Variants in SLC10A7 observed in about 807,000 individuals in gnomAD.
The protein encoded by SLC10A7 is solute carrier family 10 member 7, also known as sodium/bile acid cotransporter 7.
Under a neutral mutation model 43.2 loss-of-function variants are expected in SLC10A7, and 29 were observed. The observed-to-expected ratio is 0.67, with a 90% CI of 0.50 to 0.92. The LOEUF is 0.92. SLC10A7 is among the 40% of genes least tolerant of loss of function. The pLI, the probability that SLC10A7 is intolerant of heterozygous loss-of-function variation, is 0.00. For missense variants in SLC10A7, 295 were observed against 403.2 expected (o/e 0.73, Z 2.30); for synonymous variants, 152 against 144.8 (o/e 1.05, Z -0.35).
intron 5 of SLC10A7, among the ~76,000 whole-genome samples, chr4:146,427,629 CTCATTGTT>C (rs1323222972): frequency 6.6e-6 from 1 of 151,712 alleles, no homozygotes; most frequent in Non-Finnish European, 1.5e-5. Context: ...ATGATCTCTA[CTCATTGTT>C]TCCTCTTTAG....
chr4:146,270,126 G>A lies in SLC10A7; in HGVS notation c.848-11289C>T, dbSNP rs544156053. On this transcript the variant is annotated intron_variant, in intron 10 of 11. Transcript: ENST00000335472. ...CATGTCTCTTAAAAAGGTTGACTCA[G>A]GTTTCTGTGATTTATCTAACCTAGA... Among the ~76,000 whole-genome samples, 41 of 152,154 alleles carry A rather than the reference G, an allele frequency of 2.7e-4. 1 individual carries two copies. Among genetic ancestry groups the A allele is most frequent in the Admixed American group, 2.2e-3 (33 of 15,288 alleles).
At chr4:146,456,420 C>G (rs751299503) in intron 4 of SLC10A7, among the ~76,000 whole-genome samples, 7 of 151,854 alleles carry the variant, frequency 4.6e-5, no homozygotes, top group Non-Finnish European at 8.8e-5. Flanking sequence ...AACTCAGTCC[C>G]CCACAGAATT....
chr4:146,400,905 G>A (rs1319935429), intron 5 of SLC10A7, among the ~76,000 whole-genome samples: 1 of 152,116 alleles, frequency 6.6e-6, no homozygotes, highest in Non-Finnish European at 1.5e-5. Flanking sequence ...ACTAAAAATT[G>A]CATAAAATGT....
At chr4:146,330,992 T>C (rs1733492099) in intron 5 of SLC10A7, among the ~76,000 whole-genome samples, 1 of 152,168 alleles carries the variant, frequency 6.6e-6, no homozygotes, top group Admixed American at 6.5e-5. Flanking sequence ...TGCTCCTGAA[T>C]GGTGTAAATA....
At chr4:146,480,538 C>T (rs1734381622) in intron 4 of SLC10A7, among the ~76,000 whole-genome samples, 1 of 152,078 alleles carries the variant, frequency 6.6e-6, no homozygotes, top group Non-Finnish European at 1.5e-5. Context: ...GCCAAGAATG[C>T]TCCTCAAGCT....
In SLC10A7 at chr4:146,256,651, A is replaced by T. The variant is rs997062255; in HGVS notation, c.994-131T>A. 12 of 1,096,084 alleles carry T rather than the reference A, an allele frequency of 1.1e-5. No homozygotes were observed. The African/African-American group carries it at 1.9e-4, about 17-fold the overall frequency. The allele number at this position is 1,096,084 out of a possible 1,614,324, so 67.9% of individuals were successfully genotyped here. ...ACCCAGATGGCATCATATAACCAAT[A>T]ATCCAAACCTCTGGATACAAACAGA... On this transcript the variant is annotated intron_variant, in intron 11 of 11. Coordinates refer to ENST00000335472, the MANE Select transcript of SLC10A7 (RefSeq NM_001029998.6).
intron 5 of SLC10A7, among the ~76,000 whole-genome samples, chr4:146,365,660 T>C (rs1047345696): frequency 6.6e-6 from 1 of 152,218 alleles, no homozygotes; most frequent in East Asian, 1.9e-4. Flanking sequence ...GATAGACAAG[T>C]ATGTATTTAC....
At chr4:146,407,372 G>A (rs1032081822) in intron 5 of SLC10A7, among the ~76,000 whole-genome samples, 1 of 152,080 alleles carries the variant, frequency 6.6e-6, no homozygotes, top group South Asian at 2.1e-4. Flanking sequence ...GTATCCCATT[G>A]TTGCTCTTTG....
At chr4:146,355,126 C>T (rs1204797159) in intron 5 of SLC10A7, among the ~76,000 whole-genome samples, 11 of 146,556 alleles carry the variant, frequency 7.5e-5, no homozygotes, top group East Asian at 6.0e-4. Flanking sequence ...AGAAAATTTT[C>T]GCAACCTACT....
chr4:146,478,945 T>G (rs1432824470), intron 4 of SLC10A7, among the ~76,000 whole-genome samples: 1 of 152,214 alleles, frequency 6.6e-6, no homozygotes, highest in Non-Finnish European at 1.5e-5. Context: ...AAGTATCATT[T>G]TAGGCATTAA....
intron 10 of SLC10A7, among the ~76,000 whole-genome samples, chr4:146,261,077 A>G (rs1660669839): frequency 6.6e-6 from 1 of 152,170 alleles, no homozygotes; most frequent in African/African-American, 2.4e-5. Flanking sequence ...TCTTCCGGCC[A>G]TTGCTGGTTC....
At chr4:146,316,713 T>C (rs924257792) in intron 6 of SLC10A7, among the ~76,000 whole-genome samples, 7 of 152,078 alleles carry the variant, frequency 4.6e-5, no homozygotes, top group African/African-American at 1.7e-4. Context: ...AACATTGGAC[T>C]CAATTACACA....
At chr4:146,274,970 C>T (rs187505160) in intron 10 of SLC10A7, among the ~76,000 whole-genome samples, 1 of 152,248 alleles carries the variant, frequency 6.6e-6, no homozygotes, top group Admixed American at 6.5e-5. Flanking sequence ...CAAAACCTGA[C>T]TGAATATTCT....
chr4:146,468,949 T>C (rs144118032), intron 4 of SLC10A7, among the ~76,000 whole-genome samples: 4,597 of 152,170 alleles, frequency 0.03, 98 homozygotes, highest in Non-Finnish European at 0.041. Context: ...CTTAAAGTCC[T>C]CGGGGAAAAC....
intron 5 of SLC10A7, among the ~76,000 whole-genome samples, chr4:146,372,406 A>G (rs1283721890): frequency 1.3e-5 from 2 of 151,506 alleles, no homozygotes; most frequent in African/African-American, 2.4e-5. Flanking sequence ...GTGAGCTGCA[A>G]TTGCACCACT....
chr4:146,380,940 G>T (rs1737573362), intron 5 of SLC10A7, among the ~76,000 whole-genome samples: 2 of 152,048 alleles, frequency 1.3e-5, no homozygotes, highest in African/African-American at 4.8e-5. Context: ...AATTTAAACA[G>T]TTCCAAAGTT....
chr4:146,365,067 C>A (rs1355862305), intron 5 of SLC10A7, among the ~76,000 whole-genome samples: 1 of 151,926 alleles, frequency 6.6e-6, no homozygotes, highest in African/African-American at 2.4e-5. Context: ...ATCATGAGGT[C>A]CATGAACTGA....
intron 7 of SLC10A7, among the ~76,000 whole-genome samples, chr4:146,294,481 C>T (rs895859826): frequency 6.6e-6 from 1 of 152,116 alleles, no homozygotes; most frequent in Non-Finnish European, 1.5e-5. Context: ...CCAAGTGCAA[C>T]TTTGGGAATC....
chr4:146,302,235 T>A (rs554942359), intron 7 of SLC10A7, among the ~76,000 whole-genome samples: 132 of 152,340 alleles, frequency 8.7e-4, no homozygotes, highest in African/African-American at 3.1e-3. Flanking sequence ...TAAACTAATA[T>A]AATCCACAGT....
Sources: gnomAD v4.1 joint callset for allele counts (sites outside exome capture counted in the v4.1 genomes callset) on GRCh38, gnomAD v4.1.1 for gene constraint, MANE v1.5 for transcripts, NCBI Gene and HGNC (gene_info 2026-07-23, HGNC 2026-07-21) for gene names.